The following SERPINI1 variants were observed in gnomAD, a reference collection of about 807,000 sequenced individuals.
The protein encoded by SERPINI1 is neuroserpin.
In SERPINI1, 19 loss-of-function variants were observed where a neutral mutation model predicts 41.1. That is an observed-to-expected ratio of 0.46 (90% CI 0.32 to 0.68). The LOEUF is 0.68. Ranked by LOEUF, SERPINI1 falls within the 30% of genes least tolerant of loss-of-function variation. The pLI is 0.03. For missense variants in SERPINI1, 460 were observed against 479.2 expected (o/e 0.96, Z 0.37); for synonymous variants, 138 against 156.6 (o/e 0.88, Z 0.89).
chr3:167,801,723 A>C (rs1240110076), intron 5 of SERPINI1, among the ~76,000 whole-genome samples: 1 of 152,158 alleles, frequency 6.6e-6, no homozygotes, highest in Non-Finnish European at 1.5e-5. Context: ...TATATGGGAG[A>C]TAACGATTAT....
intron 1 of SERPINI1, among the ~76,000 whole-genome samples, chr3:167,772,938 A>G (rs1188252299): frequency 8.0e-6 from 1 of 124,976 alleles, no homozygotes; most frequent in East Asian, 2.2e-4. Flanking sequence ...ATATACATAT[A>G]CATATATACA....
chr3:167,798,983 A>G (rs1327612048), intron 5 of SERPINI1, among the ~76,000 whole-genome samples: 2 of 152,190 alleles, frequency 1.3e-5, no homozygotes, highest in Non-Finnish European at 2.9e-5. Context: ...CCTTGAATCT[A>G]AAATAAAAGG....
chr3:167,821,083 C>A (rs1712308835), intron 6 of SERPINI1, among the ~76,000 whole-genome samples: 2 of 152,142 alleles, frequency 1.3e-5, no homozygotes, highest in African/African-American at 4.8e-5. Context: ...CTGCAGTTCT[C>A]TGAGCTGTTC....
chr3:167,775,073 T>A (rs578201079), intron 1 of SERPINI1, among the ~76,000 whole-genome samples: 1 of 152,134 alleles, frequency 6.6e-6, no homozygotes, highest in Non-Finnish European at 1.5e-5. Context: ...TATAATAACA[T>A]GTTTCCAGTT....
chr3:167,751,122 T>G (rs894751064), intron 1 of SERPINI1, among the ~76,000 whole-genome samples: 2 of 152,182 alleles, frequency 1.3e-5, no homozygotes, highest in Non-Finnish European at 2.9e-5. Flanking sequence ...TCTTTCTGTC[T>G]CACCTCCTGC....
intron 3 of SERPINI1, among the ~76,000 whole-genome samples, chr3:167,792,296 T>C (rs1727548144): frequency 1.3e-5 from 2 of 152,040 alleles, no homozygotes; most frequent in Admixed American, 6.6e-5. Flanking sequence ...TTATTTCAGG[T>C]GATACGGGTG....
At chr3:167,810,286 A>G (rs1199848247) in intron 6 of SERPINI1, among the ~76,000 whole-genome samples, 4 of 152,166 alleles carry the variant, frequency 2.6e-5, no homozygotes, top group African/African-American at 9.6e-5. Context: ...AACCCCCATA[A>G]ATACCCAGGA....
At chr3:167,760,573 G>A (rs1186266803) in intron 1 of SERPINI1, among the ~76,000 whole-genome samples, 1 of 68,168 alleles carries the variant, frequency 1.5e-5, no homozygotes, top group African/African-American at 1.0e-4. Context: ...GTGTGTGTGT[G>A]TGTGTGTGTG....
intron 5 of SERPINI1, 110 bp from the exon 6 acceptor site, chr3:167,807,134 A>G (rs1711676503): frequency 1.3e-6 from 1 of 783,220 alleles, no homozygotes; most frequent in African/African-American, 1.7e-5. Context: ...TTTTAGCATA[A>G]TTTACTCTCC....
chr3:167,809,672 G>A (rs1025833858), intron 6 of SERPINI1, among the ~76,000 whole-genome samples: 5 of 152,070 alleles, frequency 3.3e-5, no homozygotes, highest in South Asian at 2.1e-4. Flanking sequence ...CAAAACTTCC[G>A]TGGGAATTGA....
chr3:167,766,200 G>A (rs1373290264), intron 1 of SERPINI1, among the ~76,000 whole-genome samples: 3 of 143,356 alleles, frequency 2.1e-5, no homozygotes, highest in South Asian at 4.3e-4. Context: ...TGATAAATAC[G>A]TACCCAAGAC....
chr3:167,789,736 AT>A (rs1233320943), intron 2 of SERPINI1, among the ~76,000 whole-genome samples: 1 of 152,210 alleles, frequency 6.6e-6, no homozygotes, highest in Non-Finnish European at 1.5e-5. Flanking sequence ...GAAAGACAGC[AT>A]GGTTTGCTAA....
intron 1 of SERPINI1, among the ~76,000 whole-genome samples, chr3:167,765,031 G>A (rs554277975): frequency 6.6e-6 from 1 of 152,282 alleles, no homozygotes; most frequent in Admixed American, 6.5e-5. Context: ...CCTCCTAGCT[G>A]CCTTCACAAG....
chr3:167,752,762 T>C (rs1726083336), intron 1 of SERPINI1, among the ~76,000 whole-genome samples: 1 of 152,060 alleles, frequency 6.6e-6, no homozygotes, highest in African/African-American at 2.4e-5. Flanking sequence ...CTTTGTTCAT[T>C]GTATTATTTC....
At chr3:167,762,800 C>T (rs556846848) in intron 1 of SERPINI1, among the ~76,000 whole-genome samples, 24 of 152,084 alleles carry the variant, frequency 1.6e-4, no homozygotes, top group African/African-American at 4.8e-4. Context: ...TTATCACATT[C>T]TAATATTCTA....
chr3:167,825,101 G>GAGGA (rs1256221061), intron 8 of SERPINI1, 146 bp from the exon 9 acceptor site: 12 of 693,570 alleles, frequency 1.7e-5, no homozygotes, highest in South Asian at 1.6e-4. Flanking sequence ...GGAAGAGAGA[G>GAGGA]AGGAAGGAAG....
At chr3:167,815,565 C>G (rs553781684) in intron 6 of SERPINI1, among the ~76,000 whole-genome samples, 2 of 151,816 alleles carry the variant, frequency 1.3e-5, no homozygotes, top group Non-Finnish European at 2.9e-5. Flanking sequence ...AATTCTTGTA[C>G]TTTTAGTAGA....
At chr3:167,779,430 T>C (rs1420456242) in intron 1 of SERPINI1, among the ~76,000 whole-genome samples, 1 of 152,146 alleles carries the variant, frequency 6.6e-6, no homozygotes, top group Non-Finnish European at 1.5e-5. Flanking sequence ...AACTGGCCAA[T>C]ATCCACAGGG....
intron 1 of SERPINI1, among the ~76,000 whole-genome samples, chr3:167,788,654 C>T (rs546498834): frequency 6.6e-6 from 1 of 152,320 alleles, no homozygotes; most frequent in African/African-American, 2.4e-5. Flanking sequence ...TCTCCGCTCA[C>T]CAGTTGGTAA....
Sources: allele counts gnomAD v4.1 joint callset (sites outside exome capture counted in the v4.1 genomes callset), GRCh38; gene constraint gnomAD v4.1.1; transcripts MANE v1.5; gene names NCBI Gene and HGNC (gene_info 2026-07-23, HGNC 2026-07-21).